The following GPM6B variants were observed in gnomAD, a reference collection of about 807,000 sequenced individuals.
GPM6B encodes glycoprotein M6B.
In GPM6B, 4 loss-of-function variants were observed where a neutral mutation model predicts 27.2. The ratio of observed to expected loss-of-function variants is 0.15; its 90% CI spans 0.07 to 0.34. The LOEUF is 0.34. Ranked by LOEUF, GPM6B falls within the 10% of genes least tolerant of loss-of-function variation. GPM6B has a pLI of 1.00. For missense variants in GPM6B, 183 were observed against 261.9 expected, an observed-to-expected ratio of 0.70 and a Z score of 2.08; for synonymous variants, 124 against 103.1, an observed-to-expected ratio of 1.20 and a Z score of -1.23.
intron 1 of GPM6B, among the ~76,000 whole-genome samples, chrX:13,916,663 A>ATGTGTG (rs55844856): frequency 0.084 from 7,577 of 89,999 alleles, 352 homozygotes; most frequent in African/African-American, 0.1. Flanking sequence ...TAGTTTATTA[A>ATGTGTG]TGTGTGTGTG....
At chrX:13,873,676 T>TG (rs2050003522) in intron 1 of GPM6B, among the ~76,000 whole-genome samples, 1 of 111,722 alleles carries the variant, frequency 9.0e-6, no homozygotes, top group African/African-American at 3.3e-5. Context: ...GCCTGGCATA[T>TG]GGTAAGCCCT....
chrX:13,837,765 T>C (rs921975872), intron 1 of GPM6B, among the ~76,000 whole-genome samples: 1 of 46,120 alleles, frequency 2.2e-5, no homozygotes, highest in Non-Finnish European at 4.8e-5. Flanking sequence ...TTAGCAACAG[T>C]GTCTGAAAAT....
chrX:13,816,046 G>A (rs2049228492), intron 1 of GPM6B, among the ~76,000 whole-genome samples: 1 of 111,897 alleles, frequency 8.9e-6, no homozygotes, highest in South Asian at 3.7e-4. Context: ...TGGCTGAGCC[G>A]ATTCTATGGG....
rs1418751366 is a variant in GPM6B, at chrX:13,772,873, G to GCAAA, written c.*4_*7dup. 3 of 1,206,480 alleles carry GCAAA rather than the reference G, an allele frequency of 2.5e-6. No homozygotes were observed. In the African/African-American group the frequency reaches 5.3e-5, roughly 21 times the overall value. ...TAAATACGTCGGCCGAAACACTCTG[G>GCAAA]CAAACATTTATGTGTAAGAATTGAG... is the stretch of plus-strand genomic sequence containing the variant. On this transcript the variant is annotated 3_prime_UTR_variant, in exon 8 of 8. Transcript: ENST00000316715.
intron 1 of GPM6B, among the ~76,000 whole-genome samples, chrX:13,829,754 C>T (rs1305490903): frequency 2.7e-5 from 3 of 111,231 alleles, no homozygotes; most frequent in Non-Finnish European, 5.7e-5. Context: ...TAAAAAAAGA[C>T]ATGCCTTCAA....
chrX:13,804,810 AAAG>A (rs1210253327), intron 2 of GPM6B, among the ~76,000 whole-genome samples: 3 of 50,129 alleles, frequency 6.0e-5, no homozygotes, highest in African/African-American at 1.9e-4. Flanking sequence ...ATAAAAAAAA[AAAG>A]AAAAAAAAAA....
chrX:13,837,710 TGGGGG>T (rs771546203), intron 1 of GPM6B, among the ~76,000 whole-genome samples: 46 of 11,366 alleles, frequency 4.0e-3, no homozygotes, highest in African/African-American at 7.3e-3. Flanking sequence ...AGCAAGTTGG[TGGGGG>T]GGGGGGGGGG....
chrX:13,782,143 G>C (rs746658676), intron 4 of GPM6B, among the ~76,000 whole-genome samples: 2 of 112,453 alleles, frequency 1.8e-5, no homozygotes, highest in Admixed American at 9.4e-5. Context: ...CCAGTGGCCA[G>C]AGATGCAGAC....
intron 1 of GPM6B, among the ~76,000 whole-genome samples, chrX:13,889,799 A>G (rs1486066385): frequency 9.1e-6 from 1 of 109,872 alleles, no homozygotes; most frequent in African/African-American, 3.4e-5. Flanking sequence ...ACCATGAAAT[A>G]ACTACTCCCC....
chrX:13,891,440 A>T lies in GPM6B; in HGVS notation c.-198+46887T>A, dbSNP rs1404678958. Reference sequence around the variant, plus strand: ...ACCAAAAAAAAACCAAACAACAACAACAACAACAACAAACCCTGCAAATGG... The same window carrying T: ...ACCAAAAAAAAACCAAACAACAACATCAACAACAACAAACCCTGCAAATGG... On this transcript the variant is annotated intron_variant, in intron 1 of 6. Transcript: ENST00000398361. Among the ~76,000 whole-genome samples, 5 of 112,065 alleles carry T rather than the reference A, an allele frequency of 4.5e-5. No homozygotes were observed. The South Asian group carries it at 1.8e-3, about 41-fold the overall frequency.
At chrX:13,937,885 G>C (rs779732119) in intron 1 of GPM6B, among the ~76,000 whole-genome samples, 2 of 111,106 alleles carry the variant, frequency 1.8e-5, no homozygotes, top group South Asian at 7.8e-4. Flanking sequence ...ACCTGCACCC[G>C]GGCCGCATTT....
intron 1 of GPM6B, among the ~76,000 whole-genome samples, chrX:13,924,646 C>G (rs1399384167): frequency 1.8e-5 from 2 of 111,778 alleles, no homozygotes; most frequent in Non-Finnish European, 3.8e-5. Flanking sequence ...AACTCAAACT[C>G]TATTTCCTCT....
chrX:13,911,225 A>G lies in GPM6B; in HGVS notation c.-198+27102T>C, dbSNP rs12852711. On this transcript the variant is annotated intron_variant, in intron 1 of 6. Transcript: ENST00000398361. ...CATTGCAATATAAATATACAAAAGT[A>G]TACAGAAGTCACTGCAGTACTGATG... 5.3e-5 allele frequency among the ~76,000 whole-genome samples: 6 copies of G among 112,459 alleles called. No individual in the cohort carries two copies. In the South Asian group the frequency reaches 2.2e-3, roughly 41 times the overall value.
chrX:13,832,314 A>C (rs1482184984), intron 1 of GPM6B, among the ~76,000 whole-genome samples: 1 of 112,283 alleles, frequency 8.9e-6, no homozygotes, highest in African/African-American at 3.2e-5. Context: ...AAAACCATTA[A>C]TTTACAGAAG....
At chrX:13,817,883 C>T (rs1603045619), upstream of GPM6B, among the ~76,000 whole-genome samples, 1 of 112,104 alleles carries the variant, frequency 8.9e-6, no homozygotes, top group East Asian at 2.8e-4. Flanking sequence ...ACAAGTATAT[C>T]GAGCTGACAT....
At chrX:13,785,127 A>G (rs1282369607) in intron 3 of GPM6B, among the ~76,000 whole-genome samples, 1 of 111,738 alleles carries the variant, frequency 8.9e-6, no homozygotes, top group Non-Finnish European at 1.9e-5. Flanking sequence ...CCTGGGGCCT[A>G]AACAGCTACC....
intron 1 of GPM6B, among the ~76,000 whole-genome samples, chrX:13,861,039 CACACAT>C (rs1408616530): frequency 2.9e-4 from 12 of 41,790 alleles, no homozygotes; most frequent in South Asian, 1.6e-3. Context: ...CACACACACA[CACACAT>C]ATATACATAT....
At chrX:13,807,237 A>G (rs2049038804) in intron 2 of GPM6B, among the ~76,000 whole-genome samples, 1 of 112,245 alleles carries the variant, frequency 8.9e-6, no homozygotes, top group African/African-American at 3.2e-5. Flanking sequence ...GGACACTCAC[A>G]GTACTCTCAG....
At chrX:13,814,725 C>T (rs981856795) in intron 1 of GPM6B, among the ~76,000 whole-genome samples, 2 of 111,373 alleles carry the variant, frequency 1.8e-5, no homozygotes, top group Admixed American at 9.5e-5. Flanking sequence ...AGCATATGAA[C>T]TTGTTCATCT....
Sources: allele counts gnomAD v4.1 joint callset (sites outside exome capture counted in the v4.1 genomes callset), GRCh38; gene constraint gnomAD v4.1.1; transcripts MANE v1.5; gene names NCBI Gene and HGNC (gene_info 2026-07-23, HGNC 2026-07-21).